KIAA1217: variants seen among roughly 807,000 people sequenced by gnomAD.
KIAA1217 encodes sickle tail protein homolog.
In KIAA1217, 88 loss-of-function variants were observed where a neutral mutation model predicts 163.9. The ratio of observed to expected loss-of-function variants is 0.54; its 90% CI spans 0.45 to 0.64. The LOEUF (loss-of-function observed/expected upper bound fraction) is 0.64, where lower values mean the gene tolerates loss of function less well. Ranked by LOEUF, KIAA1217 falls within the 30% of genes least tolerant of loss-of-function variation. The probability of loss-of-function intolerance (pLI) is 0.00; values close to 1 mark genes in which losing one functional copy is unlikely to be tolerated. For missense variants in KIAA1217, 2,372 were observed against 2,475.0 expected (o/e 0.96, Z 0.88); for synonymous variants, 903 against 923.1 (o/e 0.98, Z 0.39).
intron 1 of KIAA1217, among the ~76,000 whole-genome samples, chr10:23,729,456 A>G (rs955594748): frequency 1.3e-5 from 2 of 152,134 alleles, no homozygotes; most frequent in Non-Finnish European, 2.9e-5. Context: ...CCTTGCTAGC[A>G]TTTGGTGGTG....
At chr10:24,095,002 A>G (rs543169697) in intron 2 of KIAA1217, among the ~76,000 whole-genome samples, 16 of 152,154 alleles carry the variant, frequency 1.1e-4, no homozygotes, top group African/African-American at 3.6e-4. Context: ...TGTGCTAGCA[A>G]TCAGTGAGAC....
intron 17 of KIAA1217, 103 bp downstream of exon 17, chr10:24,536,996 T>C (rs542095649): frequency 2.9e-6 from 4 of 1,358,298 alleles, no homozygotes; most frequent in South Asian, 2.8e-5. Flanking sequence ...CTCTGTCTTT[T>C]TTCTCTCTCT....
chr10:24,442,193 T>C (rs182201020), intron 5 of KIAA1217, among the ~76,000 whole-genome samples: 50 of 152,274 alleles, frequency 3.3e-4, no homozygotes, highest in Admixed American at 1.0e-3. Context: ...ATCTTTGTAT[T>C]TGACACCAGT....
chr10:23,824,224 AG>A (rs1276023405), intron 1 of KIAA1217, among the ~76,000 whole-genome samples: 2 of 152,120 alleles, frequency 1.3e-5, no homozygotes, highest in African/African-American at 2.4e-5. Flanking sequence ...TACTGAGCTG[AG>A]ATCATGCCAC....
At chr10:23,840,049 T>C (rs1838695883) in intron 1 of KIAA1217, among the ~76,000 whole-genome samples, 1 of 152,160 alleles carries the variant, frequency 6.6e-6, no homozygotes, top group Admixed American at 6.5e-5. Context: ...CCCTGGGCAG[T>C]GGTGGAAATT....
chr10:24,427,844 A>G (rs2059295159), intron 3 of KIAA1217, among the ~76,000 whole-genome samples: 2 of 152,216 alleles, frequency 1.3e-5, no homozygotes, highest in African/African-American at 4.8e-5. Context: ...TCGGATATTA[A>G]GAGAATTCCT....
chr10:24,434,892 C>A (rs2059901373), intron 4 of KIAA1217, among the ~76,000 whole-genome samples: 1 of 152,218 alleles, frequency 6.6e-6, no homozygotes. Context: ...AAGTACCAAG[C>A]TCTGCCCCAA....
At chr10:23,922,531 C>A (rs1225320902) in intron 1 of KIAA1217, among the ~76,000 whole-genome samples, 1 of 152,098 alleles carries the variant, frequency 6.6e-6, no homozygotes, top group East Asian at 1.9e-4. Context: ...TCTTGGGGGA[C>A]TGAACCCTTA....
chr10:24,509,575 AAAT>A (rs1282158215), intron 9 of KIAA1217, among the ~76,000 whole-genome samples: 1 of 152,186 alleles, frequency 6.6e-6, no homozygotes, highest in Non-Finnish European at 1.5e-5. Context: ...TTCATAGAGC[AAAT>A]ACAGTTGCCC....
intron 3 of KIAA1217, among the ~76,000 whole-genome samples, chr10:24,406,392 A>AACACACAC (rs34564889): frequency 0.029 from 3,932 of 133,846 alleles, 146 homozygotes; most frequent in African/African-American, 0.12. Flanking sequence ...TTCACACACA[A>AACACACAC]ACACACACAC....
At chr10:23,698,598 C>A (rs955015994) in intron 1 of KIAA1217, among the ~76,000 whole-genome samples, 1 of 152,048 alleles carries the variant, frequency 6.6e-6, no homozygotes, top group African/African-American at 2.4e-5. Flanking sequence ...CGTAGATTAC[C>A]GAGTTTAGAA....
chr10:24,003,937 A>T (rs1846869880), intron 1 of KIAA1217, among the ~76,000 whole-genome samples: 1 of 152,198 alleles, frequency 6.6e-6, no homozygotes, highest in Non-Finnish European at 1.5e-5. Context: ...ACTGGGTAGC[A>T]ACATCCAAAA....
intron 2 of KIAA1217, among the ~76,000 whole-genome samples, chr10:24,339,849 A>G (rs2046845674): frequency 6.6e-6 from 1 of 152,198 alleles, no homozygotes; most frequent in Admixed American, 6.5e-5. Context: ...GTCCCCCCAA[A>G]GCCAATGTTA....
intron 1 of KIAA1217, among the ~76,000 whole-genome samples, chr10:23,732,786 C>A (rs984781317): frequency 1.3e-5 from 2 of 151,998 alleles, no homozygotes; most frequent in African/African-American, 4.8e-5. Context: ...ATAAAGTTTT[C>A]TCTAAGCATT....
chr10:23,786,809 C>G (rs1835516438), intron 1 of KIAA1217, among the ~76,000 whole-genome samples: 2 of 152,160 alleles, frequency 1.3e-5, no homozygotes, highest in Non-Finnish European at 2.9e-5. Flanking sequence ...CAGAGAATTA[C>G]ACTTTCTGCT....
At chr10:24,426,624 GA>G (rs918008301) in intron 3 of KIAA1217, among the ~76,000 whole-genome samples, 11 of 148,348 alleles carry the variant, frequency 7.4e-5, no homozygotes, top group African/African-American at 2.2e-4. Context: ...GACTCTGTCT[GA>G]AAAAAAAAAG....
chr10:24,270,589 G>A (rs2076676883), intron 2 of KIAA1217, among the ~76,000 whole-genome samples: 1 of 152,194 alleles, frequency 6.6e-6, no homozygotes, highest in African/African-American at 2.4e-5. Context: ...TGCCCAGGCT[G>A]GAGTGCAGTG....
In KIAA1217 at chr10:24,158,456, G is replaced by T. The variant is rs898579184; in HGVS notation, c.-170-61170G>T. 24 of 551,240 alleles carry T rather than the reference G, an allele frequency of 4.4e-5. No homozygotes were observed. In the East Asian group the frequency reaches 1.2e-3, roughly 27 times the overall value. The allele number at this position is 551,240 out of a possible 1,614,324, so 34.1% of individuals were successfully genotyped here. ...CACATGATGTCTAACACAGGAAATT[G>T]AATGTATATTCATTATCAGTCTAAA... On this transcript the variant is annotated intron_variant, in intron 2 of 18. Coordinates refer to the KIAA1217 transcript ENST00000376462.
intron 1 of KIAA1217, among the ~76,000 whole-genome samples, chr10:23,772,108 G>A (rs1834823782): frequency 6.6e-6 from 1 of 152,126 alleles, no homozygotes; most frequent in South Asian, 2.1e-4. Context: ...TGAAATTTAA[G>A]AAAAGTAAAA....
Sources: gnomAD v4.1 joint callset for allele counts (sites outside exome capture counted in the v4.1 genomes callset) on GRCh38, gnomAD v4.1.1 for gene constraint, MANE v1.5 for transcripts, NCBI Gene and HGNC (gene_info 2026-07-23, HGNC 2026-07-21) for gene names.